Variants in TDP2 observed in about 807,000 individuals in gnomAD.
TDP2 encodes tyrosyl-DNA phosphodiesterase 2.
In TDP2, 38 loss-of-function variants were observed where a neutral mutation model predicts 42.8. That is an observed-to-expected ratio of 0.89 (90% CI 0.68 to 1.16). The LOEUF (loss-of-function observed/expected upper bound fraction) is 1.16, where lower values mean the gene tolerates loss of function less well. TDP2 is among the 50% of genes most tolerant of loss of function. TDP2 has a pLI of 0.00. For missense variants in TDP2, 439 were observed against 439.3 expected (o/e 1.00, Z 0.01); for synonymous variants, 173 against 150.6 (o/e 1.15, Z -1.09).
rs772352587 is a variant in TDP2, at chr6:24,652,988, G to A, written c.802C>T (p.Arg268Ter). 9.9e-6 allele frequency: 16 copies of A among 1,612,684 alleles called. No individual in the cohort carries two copies. The highest frequency in any genetic ancestry group is 6.7e-5 in the African/African-American group (5 of 74,860). ...AAACTGACTTTGTCACTCACCTCTC[G>A]ATCCCTTAGATTTGTATCTCCTGCA... ...IFAGDTNLRD[R>*]EVTRCGGLPN... Residue 268 changes from arginine (R) to a stop codon, truncating the protein, a stop_gained, in exon 6 of 7, where the codon CGA becomes TGA. Transcript: ENST00000378198. LOFTEE classifies it high-confidence loss of function.
intron 6 of TDP2, among the ~76,000 whole-genome samples, chr6:24,652,302 T>G (rs1777987010): frequency 6.6e-6 from 1 of 152,250 alleles, no homozygotes; most frequent in South Asian, 2.1e-4. Context: ...TTTTAGCTAC[T>G]GTGAATAACA....
At position 24,652,966 on chromosome 6, in the gene TDP2, C is replaced by A; in HGVS notation, c.807+17G>T. 1.2e-6 allele frequency: 2 copies of A among 1,610,914 alleles called. No homozygotes were observed. Among genetic ancestry groups the A allele is most frequent in the Admixed American group, 1.7e-5 (1 of 60,020 alleles). On this transcript the variant is annotated intron_variant, in intron 6 of 6. Transcript: ENST00000378198. ...CAATAATCTGTCCTCAAACATCAAA[C>A]TGACTTTGTCACTCACCTCTCGATC... is the stretch of plus-strand genomic sequence containing the variant.
In TDP2 at chr6:24,666,876, C is replaced by A. The variant is rs1778259492; in HGVS notation, c.-14G>T. The A allele has an allele frequency of 6.2e-7, 1 of 1,612,724 alleles. No homozygotes were observed. The highest frequency in any genetic ancestry group is 8.5e-7 in the Non-Finnish European group (1 of 1,180,046). ...CCCCAACTCCATCTTCCTGCCGCCT[C>A]TGCACCGCCCCTTTAAGCGGAACAG... is the stretch of plus-strand genomic sequence containing the variant. On this transcript the variant is annotated 5_prime_UTR_variant, in exon 1 of 7. Coordinates refer to ENST00000378198, the MANE Select transcript of TDP2 (RefSeq NM_016614.3).
chr6:24,650,680 C>G lies in TDP2; in HGVS notation c.*108G>C. 1 of 1,111,170 alleles carries G rather than the reference C, an allele frequency of 9.0e-7. No homozygotes were observed. The highest frequency in any genetic ancestry group is 1.6e-5 in the South Asian group (1 of 63,626). The allele number at this position is 1,111,170 out of a possible 1,614,324, so 68.8% of individuals were successfully genotyped here. A position where few individuals can be genotyped will look rare whatever the true frequency, so the allele number is the denominator to read the frequency against. On this transcript the variant is annotated 3_prime_UTR_variant, in exon 7 of 7. Transcript: ENST00000378198. ...CAACCATAAATCATAGTTGGTTTTT[C>G]TGTGACAATGATCTAGTACATTATT...
In TDP2 at chr6:24,653,505, C is replaced by T. The variant is rs909399606; in HGVS notation, c.637-352G>A. Reference sequence around the variant, plus strand: ...TAAAAGGACAATTATTTCCCTCCTACAAAGCCATAAGTCATTTGCAAAGCA... The same window carrying T: ...TAAAAGGACAATTATTTCCCTCCTATAAAGCCATAAGTCATTTGCAAAGCA... On this transcript the variant is annotated intron_variant, in intron 5 of 6. Coordinates refer to ENST00000378198, the MANE Select transcript of TDP2 (RefSeq NM_016614.3). 3.3e-5 allele frequency among the ~76,000 whole-genome samples: 5 copies of T among 152,182 alleles called. No individual in the cohort carries two copies. The East Asian group carries it at 9.6e-4, about 29-fold the overall frequency.
At chr6:24,666,467 G>A in intron 2 of TDP2, 59 bp downstream of exon 2, 4 of 1,559,876 alleles carry the variant, frequency 2.6e-6, no homozygotes, top group Middle Eastern at 1.7e-4. Context: ...GGACGCGCAG[G>A]GCTACCTGGT....
In TDP2 at chr6:24,653,261, G is replaced by C. The variant is rs186383121; in HGVS notation, c.637-108C>G. ...TCAAATGGTATATATTTACTAAACT[G>C]AAACTGTAAAATCAGCACTATGCCT... On this transcript the variant is annotated intron_variant, in intron 5 of 6. Transcript: ENST00000378198. 1.8e-5 allele frequency: 21 copies of C among 1,168,124 alleles called. No individual in the cohort carries two copies. In the East Asian group the frequency reaches 4.5e-4, roughly 25 times the overall value. 72.4% of individuals were successfully genotyped at this position (1,168,124 alleles called of 1,614,324 possible). A position where few individuals can be genotyped will look rare whatever the true frequency, so the allele number is the denominator to read the frequency against.
chr6:24,659,229 C>CT (rs1421114855), intron 2 of TDP2: 2 of 152,302 alleles, frequency 1.3e-5, no homozygotes, highest in East Asian at 1.9e-4. Context: ...CTCCAAACCT[C>CT]TTTAAGTCTC....
At chr6:24,661,267 CT>C (rs1360127363) in intron 2 of TDP2, among the ~76,000 whole-genome samples, 3 of 152,234 alleles carry the variant, frequency 2.0e-5, no homozygotes, top group Admixed American at 2.0e-4. Flanking sequence ...AAAATGTTCC[CT>C]TCTCTCTTGG....
At chr6:24,656,942 A>C (rs1778069151) in intron 4 of TDP2, among the ~76,000 whole-genome samples, 1 of 152,206 alleles carries the variant, frequency 6.6e-6, no homozygotes, top group African/African-American at 2.4e-5. Flanking sequence ...AGAGAATACA[A>C]AATAGTTCCA....
Position 24,658,650 on chromosome 6 carries a change from G to C in TDP2, c.336C>G (p.Ser112Arg). 2 of 1,613,912 alleles carry C rather than the reference G, an allele frequency of 1.2e-6. No individual in the cohort carries two copies. The highest frequency in any genetic ancestry group is 1.7e-6 in the Non-Finnish European group (2 of 1,179,834). The change falls in exon 3 of 7, where the codon AGC becomes AGG. Residue 112 changes from serine (S) to arginine (R), a missense_variant. Ser to Arg is a moderately radical substitution (Grantham distance 110). Transcript: ENST00000378198. ...PSEDTQQENG[S>R]MFSLITWNID... Reference sequence around the variant, plus strand: ...TATTCCAGGTAATGAGAGAGAACATGCTGCCATTTTCTTGCTGAGTATCTT... The same window carrying C: ...TATTCCAGGTAATGAGAGAGAACATCCTGCCATTTTCTTGCTGAGTATCTT...
Position 24,658,665 on chromosome 6 carries a change from CTGAG to C in TDP2, c.317_320del (p.Thr106SerfsTer18), listed in dbSNP as rs1334595709. On this transcript the variant is annotated frameshift_variant, in exon 3 of 7. Transcript: ENST00000378198. LOFTEE classifies it high-confidence loss of function. ...GAGAGAACATGCTGCCATTTTCTTG[CTGAG>C]TATCTTCAGATGGGCTGATTTTAGA... 1.2e-6 allele frequency: 2 copies of C among 1,613,830 alleles called. No individual in the cohort carries two copies. Among genetic ancestry groups the C allele is most frequent in the East Asian group, 4.5e-5 (2 of 44,878 alleles).
intron 3 of TDP2, 61 bp downstream of exon 3, chr6:24,658,500 G>T: frequency 1.5e-6 from 2 of 1,366,160 alleles, no homozygotes; most frequent in South Asian, 1.4e-5. Context: ...CCACAACCTT[G>T]AACTGTTACT....
chr6:24,665,894 G>A (rs1778224434), intron 2 of TDP2: 2 of 477,544 alleles, frequency 4.2e-6, no homozygotes, highest in African/African-American at 2.0e-5. Flanking sequence ...CCAGGCACAG[G>A]TAATAAAGAT....
At chr6:24,657,336 CTG>C (rs1241902309) in intron 4 of TDP2, among the ~76,000 whole-genome samples, 1 of 152,058 alleles carries the variant, frequency 6.6e-6, no homozygotes, top group Non-Finnish European at 1.5e-5. Flanking sequence ...CAAGGAAAGA[CTG>C]TATATGAAAA....
chr6:24,665,035 T>C (rs1253888906), intron 2 of TDP2, among the ~76,000 whole-genome samples: 1 of 152,170 alleles, frequency 6.6e-6, no homozygotes, highest in Non-Finnish European at 1.5e-5. Flanking sequence ...TCAGGTTGGT[T>C]TGACCAAAAC....
chr6:24,654,386 ACACT>A (rs1778025909), intron 5 of TDP2, 22 bp downstream of exon 5: 6 of 1,128,050 alleles, frequency 5.3e-6, no homozygotes, highest in Non-Finnish European at 5.1e-6. Flanking sequence ...TTTTTATAAA[ACACT>A]CAATTTTTAA....
intron 5 of TDP2, among the ~76,000 whole-genome samples, chr6:24,653,556 T>C (rs1378840676): frequency 2.6e-5 from 4 of 152,154 alleles, no homozygotes; most frequent in Non-Finnish European, 5.9e-5. Context: ...TATTGCTGTA[T>C]TATTAAGGGC....
intron 2 of TDP2, chr6:24,666,121 G>C (rs927327334): frequency 6.5e-7 from 1 of 1,548,774 alleles, no homozygotes; most frequent in Non-Finnish European, 8.7e-7. Flanking sequence ...CAACAAACCT[G>C]TTATTCTGGC....
Sources: gnomAD v4.1 joint callset for allele counts (sites outside exome capture counted in the v4.1 genomes callset) on GRCh38, gnomAD v4.1.1 for gene constraint, MANE v1.5 for transcripts, NCBI Gene and HGNC (gene_info 2026-07-23, HGNC 2026-07-21) for gene names.